The following ACP7 variants were observed in gnomAD, a reference collection of about 807,000 sequenced individuals.
ACP7 encodes the protein acid phosphatase 7, tartrate resistant (putative).
In ACP7, 58 loss-of-function variants were observed where a neutral mutation model predicts 60.6. The ratio of observed to expected loss-of-function variants is 0.96; its 90% CI spans 0.77 to 1.19. The LOEUF (loss-of-function observed/expected upper bound fraction) is 1.19, where lower values mean the gene tolerates loss of function less well. ACP7 is among the 50% of genes most tolerant of loss of function. The pLI is 0.00. For missense variants in ACP7, 574 were observed against 596.2 expected, an observed-to-expected ratio of 0.96 and a Z score of 0.39; for synonymous variants, 237 against 232.6, an observed-to-expected ratio of 1.02 and a Z score of -0.17.
intron 5 of ACP7, 86 bp from the exon 6 acceptor site, chr19:39,100,494 C>G (rs2073326758): frequency 6.2e-7 from 1 of 1,601,530 alleles, no homozygotes; most frequent in Non-Finnish European, 8.6e-7. Flanking sequence ...GGAAGCTGGA[C>G]TCAGGGCCTG....
chr19:39,103,871 C>T lies in ACP7; in HGVS notation c.1113+2334C>T, dbSNP rs1434382696. ...ATAGAGACAGTCTCACTATGTTGCC[C>T]AGGCTGGTCTCGAATTCCTGGGCTT... is the stretch of plus-strand genomic sequence containing the variant. On this transcript the variant is annotated intron_variant, in intron 11 of 12. Transcript: ENST00000331256. 3.3e-5 allele frequency among the ~76,000 whole-genome samples: 5 copies of T among 152,006 alleles called. No individual in the cohort carries two copies. The East Asian group carries it at 9.7e-4, about 30-fold the overall frequency.
At chr19:39,087,814 A>G (rs527493887) in intron 2 of ACP7, among the ~76,000 whole-genome samples, 2 of 151,632 alleles carry the variant, frequency 1.3e-5, no homozygotes, top group Admixed American at 6.6e-5. Context: ...TTGTATTTTT[A>G]GTAGAGACGG....
rs2073127071 is a variant in ACP7, at chr19:39,085,233, C to T, written c.-37C>T. Reference sequence around the variant, plus strand: ...TGGGGAGCTGATCTCCTCAGTCCCCCTGCTTTTCCCCGGTCTGCCATCACC... The same window carrying T: ...TGGGGAGCTGATCTCCTCAGTCCCCTTGCTTTTCCCCGGTCTGCCATCACC... On this transcript the variant is annotated 5_prime_UTR_variant, in exon 2 of 13. Coordinates refer to ENST00000331256, the MANE Select transcript of ACP7 (RefSeq NM_001004318.3). 1 of 1,598,934 alleles carries T rather than the reference C, an allele frequency of 6.3e-7. No homozygotes were observed. The highest frequency in any genetic ancestry group is 1.1e-5 in the South Asian group (1 of 88,046).
chr19:39,086,754 C>T (rs1357459786), intron 2 of ACP7, among the ~76,000 whole-genome samples: 1 of 151,976 alleles, frequency 6.6e-6, no homozygotes, highest in Non-Finnish European at 1.5e-5. Flanking sequence ...TTTTACATCA[C>T]TAAATTTTAT....
At chr19:39,105,871 A>G (rs1056584041) in intron 11 of ACP7, among the ~76,000 whole-genome samples, 1 of 152,052 alleles carries the variant, frequency 6.6e-6, no homozygotes, top group African/African-American at 2.4e-5. Flanking sequence ...TGTGGTACGG[A>G]TGGGTCTCAT....
At chr19:39,091,862 G>A (rs1164985496) in intron 2 of ACP7, among the ~76,000 whole-genome samples, 4 of 151,478 alleles carry the variant, frequency 2.6e-5, no homozygotes. Flanking sequence ...AGTGAACCAA[G>A]ATCACACCAC....
At position 39,093,143 on chromosome 19, in the gene ACP7, CCTTTCTTTCTTTCT is replaced by C. The variant is rs1328884316; in HGVS notation, c.122-5298_122-5285del. ...TTCTTTCTTTCCTTCTTCCCTCACT[CCTTTCTTTCTTTCT>C]CTTTCTTTCTTTCTCTCCTTCCTTC... On this transcript the variant is annotated intron_variant, in intron 2 of 12. Coordinates refer to ENST00000331256, the MANE Select transcript of ACP7 (RefSeq NM_001004318.3). Among the ~76,000 whole-genome samples, 8 of 104,570 alleles carry C rather than the reference CCTTTCTTTCTTTCT, an allele frequency of 7.7e-5. 1 individual carries two copies. The highest frequency in any genetic ancestry group is 3.2e-4 in the South Asian group (1 of 3,114). 68.6% of individuals were successfully genotyped at this position (104,570 alleles called of 152,430 possible). A position where few individuals can be genotyped will look rare whatever the true frequency, so the allele number is the denominator to read the frequency against.
chr19:39,086,700 T>C (rs982989371), intron 2 of ACP7, among the ~76,000 whole-genome samples: 8 of 151,876 alleles, frequency 5.3e-5, no homozygotes, highest in Non-Finnish European at 1.2e-4. Context: ...CCATACACTT[T>C]AAATCTCAGG....
chr19:39,086,891 A>G (rs555594984), intron 2 of ACP7, among the ~76,000 whole-genome samples: 68 of 152,342 alleles, frequency 4.5e-4, no homozygotes, highest in African/African-American at 1.5e-3. Context: ...TAAAATTAAC[A>G]ATAACAAACA....
chr19:39,095,940 G>A (rs2073260508), intron 2 of ACP7, among the ~76,000 whole-genome samples: 1 of 152,212 alleles, frequency 6.6e-6, no homozygotes, highest in Non-Finnish European at 1.5e-5. Flanking sequence ...CACAGCTGGA[G>A]CAGCTAGAAT....
At chr19:39,107,520 C>T (rs988422057) in intron 12 of ACP7, among the ~76,000 whole-genome samples, 1 of 141,174 alleles carries the variant, frequency 7.1e-6, no homozygotes, top group East Asian at 2.1e-4. Flanking sequence ...GGAGGCAGAG[C>T]TTGCAGTGAG....
Position 39,098,625 on chromosome 19 carries a change from A to G in ACP7, c.289A>G (p.Thr97Ala). 1 of 1,613,074 alleles carries G rather than the reference A, an allele frequency of 6.2e-7. No homozygotes were observed. ...GCGGAAGCTCTACATACACCGAGTCACGCTTCGCAAGCTGCTGCCAGGGGT... is the reference window on the plus strand; with the variant it reads ...GCGGAAGCTCTACATACACCGAGTCGCGCTTCGCAAGCTGCTGCCAGGGGT... ...LRRKLYIHRV[T>A]LRKLLPGVQY... The change falls in exon 3 of 13, where the codon ACG becomes GCG. Residue 97 changes from threonine (T) to alanine (A), a missense_variant. Physicochemically the swap from Thr to Ala is moderately conservative, Grantham distance 58 (BLOSUM62 0). Transcript: ENST00000331256.
Position 39,100,833 on chromosome 19 carries a change from T to C in ACP7, c.787T>C (p.Trp263Arg), listed in dbSNP as rs1199775455. Residue 263 changes from tryptophan (W) to arginine (R), a missense_variant, in exon 7 of 13, where the codon TGG (tryptophan) becomes CGG (arginine). Physicochemically the swap from Trp to Arg is moderately radical, Grantham distance 101. Transcript: ENST00000331256. ...GRHLVQRQFRWLESDLQKANK... is the reference protein window; with the variant it reads ...GRHLVQRQFRRLESDLQKANK... ...CCACTTGGTACAGAGGCAGTTTCGC[T>C]GGCTGGAGAGCGACCTCCAGGTAAC... The C allele has an allele frequency of 6.2e-7, 1 of 1,613,876 alleles. No homozygotes were observed. The highest frequency in any genetic ancestry group is 8.5e-7 in the Non-Finnish European group (1 of 1,179,982).
chr19:39,087,794 T>C (rs561813684), intron 2 of ACP7, among the ~76,000 whole-genome samples: 11 of 152,116 alleles, frequency 7.2e-5, no homozygotes, highest in Admixed American at 5.9e-4. Flanking sequence ...CCACCACACC[T>C]GGCTAATTTT....
In ACP7 at chr19:39,093,172, C is replaced by CCT. The variant is rs1555767303; in HGVS notation, c.122-5286_122-5285insCT. Among the ~76,000 whole-genome samples, 52 of 80,918 alleles carry CCT rather than the reference C, an allele frequency of 6.4e-4. 16 individuals carry two copies. The highest frequency in any genetic ancestry group is 2.6e-3 in the African/African-American group (50 of 19,556). 53.1% of individuals were successfully genotyped at this position (80,918 alleles called of 152,430 possible). Reference sequence around the variant, plus strand: ...TCTTTCTTTCTCTTTCTTTCTTTCTCTCCTTCCTTCCTTCCTTCTTTCTTT... The same window carrying CCT: ...TCTTTCTTTCTCTTTCTTTCTTTCTCCTTCCTTCCTTCCTTCCTTCTTTCTTT... On this transcript the variant is annotated intron_variant, in intron 2 of 12. Transcript: ENST00000331256.
chr19:39,098,348 C>T (rs2073293873), intron 2 of ACP7, 110 bp from the exon 3 acceptor site: 1 of 685,364 alleles, frequency 1.5e-6, no homozygotes, highest in South Asian at 3.4e-5. Flanking sequence ...AACCTGTGTC[C>T]TTAACCACTA....
chr19:39,103,785 G>A (rs1318435049), intron 11 of ACP7, among the ~76,000 whole-genome samples: 1 of 152,098 alleles, frequency 6.6e-6, no homozygotes, highest in Non-Finnish European at 1.5e-5. Context: ...CTGAGACTGT[G>A]CTACTGCACT....
intron 4 of ACP7, 51 bp from the exon 5 acceptor site, chr19:39,100,176 G>A: frequency 6.2e-7 from 1 of 1,602,438 alleles, no homozygotes; most frequent in Non-Finnish European, 8.5e-7. Context: ...CAATTCCAGT[G>A]AAAGCAGAGC....
intron 2 of ACP7, among the ~76,000 whole-genome samples, chr19:39,091,223 C>T (rs917359582): frequency 1.3e-5 from 2 of 150,250 alleles, no homozygotes; most frequent in South Asian, 2.1e-4. Flanking sequence ...AGTACAGTGG[C>T]GTGATCTCAG....
Sources: gnomAD v4.1 joint callset for allele counts (sites outside exome capture counted in the v4.1 genomes callset) on GRCh38, gnomAD v4.1.1 for gene constraint, MANE v1.5 for transcripts, NCBI Gene and HGNC (gene_info 2026-07-23, HGNC 2026-07-21) for gene names.